The following DTNB variants were observed in gnomAD, a reference collection of about 807,000 sequenced individuals.
The protein encoded by DTNB is DTN-B.
A neutral mutation model predicts 90.7 loss-of-function variants in DTNB; 63 were observed. The observed-to-expected ratio is 0.69, with a 90% CI of 0.57 to 0.86. DTNB has a LOEUF of 0.86. DTNB is among the 40% of genes least tolerant of loss of function. The probability of loss-of-function intolerance (pLI) is 0.00; values close to 1 mark genes in which losing one functional copy is unlikely to be tolerated. For synonymous variants in DTNB, 277 were observed against 286.7 expected (o/e 0.97, Z 0.34); for missense variants, 744 against 807.1 (o/e 0.92, Z 0.95).
intron 2 of DTNB, among the ~76,000 whole-genome samples, chr2:25,651,779 A>T (rs769841619): frequency 4.6e-5 from 7 of 152,314 alleles, no homozygotes; most frequent in Non-Finnish European, 1.0e-4. Context: ...CAAGGACCTC[A>T]GAGGCTATCC....
intron 6 of DTNB, among the ~76,000 whole-genome samples, chr2:25,583,266 T>A (rs202021355): frequency 0.018 from 2,541 of 139,124 alleles, 44 homozygotes; most frequent in African/African-American, 0.036. Context: ...AAAAAAAATA[T>A]ATATATATAT....
chr2:25,495,563 G>T (rs1211927181), intron 9 of DTNB, among the ~76,000 whole-genome samples: 1 of 152,154 alleles, frequency 6.6e-6, no homozygotes, highest in African/African-American at 2.4e-5. Flanking sequence ...ATATTAAGGA[G>T]CCCAGGTTCT....
At chr2:25,458,204 T>C (rs1319108068) in intron 10 of DTNB, among the ~76,000 whole-genome samples, 3 of 152,150 alleles carry the variant, frequency 2.0e-5, no homozygotes, top group Non-Finnish European at 4.4e-5. Flanking sequence ...TTTTCCGAAA[T>C]AGATGATTCT....
chr2:25,650,075 T>C, intron 2 of DTNB: 10 of 985,442 alleles, frequency 1.0e-5, no homozygotes, highest in Non-Finnish European at 1.2e-5. Flanking sequence ...ATAATTCATA[T>C]GAGGTTTCTG....
At chr2:25,442,003 T>C (rs905464902) in intron 12 of DTNB, among the ~76,000 whole-genome samples, 1 of 152,136 alleles carries the variant, frequency 6.6e-6, no homozygotes, top group Non-Finnish European at 1.5e-5. Context: ...ACCAAACAGG[T>C]TTCAAAAAAC....
At chr2:25,621,541 G>C (rs1183348150) in intron 4 of DTNB, among the ~76,000 whole-genome samples, 1 of 150,420 alleles carries the variant, frequency 6.6e-6, no homozygotes, top group Non-Finnish European at 1.5e-5. Context: ...CCGCCTCCCG[G>C]GTTCAAGCGA....
chr2:25,515,226 G>A (rs993748744), intron 9 of DTNB, among the ~76,000 whole-genome samples: 3 of 152,074 alleles, frequency 2.0e-5, no homozygotes, highest in Non-Finnish European at 4.4e-5. Context: ...GGAAGAAGAG[G>A]AGAATTGCTC....
intron 8 of DTNB, among the ~76,000 whole-genome samples, chr2:25,543,596 G>C (rs891313865): frequency 1.3e-5 from 2 of 152,164 alleles, no homozygotes; most frequent in Non-Finnish European, 2.9e-5. Flanking sequence ...GAGCCACTGC[G>C]CCTGGCTGAG....
chr2:25,379,709 A>C, intron 19 of DTNB: 1 of 206,584 alleles, frequency 4.8e-6, no homozygotes, highest in Non-Finnish European at 9.6e-6. Flanking sequence ...TGCTTTGAAA[A>C]GCCCTGCGCT....
chr2:25,650,165 G>A (rs926710975), intron 2 of DTNB: 8 of 985,316 alleles, frequency 8.1e-6, no homozygotes, highest in Non-Finnish European at 8.4e-6. Context: ...ATCAACGCCT[G>A]CATGCGTATT....
At chr2:25,526,389 A>ATTTTT (rs1195477432) in intron 9 of DTNB, among the ~76,000 whole-genome samples, 9 of 58,776 alleles carry the variant, frequency 1.5e-4, no homozygotes, top group African/African-American at 6.3e-4. Flanking sequence ...ATATATATAT[A>ATTTTT]TATATATTTT....
chr2:25,505,120 T>G (rs1375916472), intron 9 of DTNB, among the ~76,000 whole-genome samples: 1 of 152,226 alleles, frequency 6.6e-6, no homozygotes, highest in African/African-American at 2.4e-5. Flanking sequence ...AATGATTGAC[T>G]GATAGATCAT....
chr2:25,582,356 C>T (rs940845374), intron 6 of DTNB, among the ~76,000 whole-genome samples: 21 of 152,112 alleles, frequency 1.4e-4, no homozygotes, highest in African/African-American at 5.1e-4. Context: ...TCCTCTGCAT[C>T]TTTCTAGCGA....
intron 19 of DTNB, among the ~76,000 whole-genome samples, chr2:25,381,569 T>C (rs2037780809): frequency 6.6e-6 from 1 of 151,968 alleles, no homozygotes; most frequent in Middle Eastern, 3.2e-3. Flanking sequence ...AGAGATGGGG[T>C]CTTGCTATGT....
chr2:25,642,450 TGTTG>T (rs2078541388), intron 2 of DTNB, among the ~76,000 whole-genome samples: 1 of 151,892 alleles, frequency 6.6e-6, no homozygotes, highest in South Asian at 2.1e-4. Context: ...GGTCTCACTA[TGTTG>T]CCCAAGCTGG....
In DTNB at chr2:25,539,513, A is replaced by G. The variant is rs566505249; in HGVS notation, c.877-7916T>C. Among the ~76,000 whole-genome samples the G allele has an allele frequency of 7.4e-5, 11 of 148,038 alleles. No homozygotes were observed. In the East Asian group the frequency reaches 2.2e-3, roughly 29 times the overall value. On this transcript the variant is annotated intron_variant, in intron 8 of 20. Coordinates refer to ENST00000406818, the MANE Select transcript of DTNB (RefSeq NM_021907.5). ...GCCTCTTTTCCTATGTTTATGGGCCATTTGTGTTTCTTCTTCTGTGAAATG... is the reference window on the plus strand; with the variant it reads ...GCCTCTTTTCCTATGTTTATGGGCCGTTTGTGTTTCTTCTTCTGTGAAATG...
At chr2:25,513,530 G>A (rs1427571948) in intron 9 of DTNB, among the ~76,000 whole-genome samples, 2 of 151,962 alleles carry the variant, frequency 1.3e-5, no homozygotes, top group African/African-American at 2.4e-5. Flanking sequence ...GAAACTAGCC[G>A]GCCAACATGG....
At position 25,617,116 on chromosome 2, in the gene DTNB, C is replaced by T. The variant is rs186039795; in HGVS notation, c.363-9795G>A. ...CCACCCAACAAACTACGAATCTTCT[C>T]TTCCCTCCACCTGTATGCACTTTCA... On this transcript the variant is annotated intron_variant, in intron 4 of 20. Coordinates refer to ENST00000406818, the MANE Select transcript of DTNB (RefSeq NM_021907.5). Among the ~76,000 whole-genome samples, 250 of 152,272 alleles carry T rather than the reference C, an allele frequency of 1.6e-3. 4 individuals are homozygous for T. The highest frequency in any genetic ancestry group is 3.0e-3 in the Non-Finnish European group (201 of 68,022).
intron 4 of DTNB, among the ~76,000 whole-genome samples, chr2:25,627,241 T>C (rs1277508531): frequency 2.0e-5 from 3 of 152,060 alleles, no homozygotes; most frequent in Admixed American, 6.6e-5. Flanking sequence ...GGAGAAACCC[T>C]GTCTCTACTA....
Sources: gnomAD v4.1 joint callset for allele counts (sites outside exome capture counted in the v4.1 genomes callset) on GRCh38, gnomAD v4.1.1 for gene constraint, MANE v1.5 for transcripts, NCBI Gene and HGNC (gene_info 2026-07-23, HGNC 2026-07-21) for gene names.